PKD2L1: variants seen among roughly 807,000 people sequenced by gnomAD.
PKD2L1 encodes polycystin-2-like protein 1.
Under a neutral mutation model 93.0 loss-of-function variants are expected in PKD2L1, and 77 were observed. The ratio of observed to expected loss-of-function variants is 0.83; its 90% CI spans 0.69 to 1.00. The LOEUF is 1.00. Among genes scored for constraint, PKD2L1 ranks in the 50% least tolerant of loss-of-function variants. PKD2L1 has a pLI of 0.00. For synonymous variants in PKD2L1, 390 were observed against 388.0 expected (o/e 1.01, Z -0.06); for missense variants, 977 against 990.9 (o/e 0.99, Z 0.19).
intron 5 of PKD2L1, 25 bp from the exon 6 acceptor site, chr10:100,297,233 TC>T: frequency 6.2e-7 from 1 of 1,604,678 alleles, no homozygotes; most frequent in Non-Finnish European, 8.5e-7. Context: ...GGAGATGACC[TC>T]CAGTGGAGCC....
Position 100,298,806 on chromosome 10 carries a change from C to A in PKD2L1, c.487G>T (p.Gly163Cys). ...SMADFWDFAQGPLLDSLYWTK... is the reference protein window; with the variant it reads ...SMADFWDFAQCPLLDSLYWTK... ...CAATACAAACTGTCCAGTAGTGGGC[C>A]CTGGGCAAACTGAACCACAAGCTGG... Residue 163 changes from glycine (G) to cysteine (C), a missense_variant, in exon 4 of 16, where the codon GGC becomes TGC. Gly to Cys is a radical substitution (Grantham distance 159). Transcript: ENST00000318222. 3 of 1,610,930 alleles carry A rather than the reference C, an allele frequency of 1.9e-6. No individual in the cohort carries two copies. The highest frequency in any genetic ancestry group is 2.5e-6 in the Non-Finnish European group (3 of 1,178,446).
intron 2 of PKD2L1, among the ~76,000 whole-genome samples, chr10:100,315,211 T>A (rs557301062): frequency 5.9e-5 from 9 of 152,098 alleles, no homozygotes; most frequent in Admixed American, 2.6e-4. Context: ...TACTTTAAGT[T>A]CTGGGGTACA....
intron 7 of PKD2L1, among the ~76,000 whole-genome samples, chr10:100,295,700 T>C (rs1589662511): frequency 8.7e-6 from 1 of 114,420 alleles, no homozygotes; most frequent in Admixed American, 1.2e-4. Context: ...GCCATTGTAC[T>C]CCAGCCAGAC....
chr10:100,326,517 C>T (rs1005285953), intron 2 of PKD2L1, among the ~76,000 whole-genome samples: 15 of 152,176 alleles, frequency 9.9e-5, no homozygotes, highest in Non-Finnish European at 1.9e-4. Context: ...CTCACAGATC[C>T]CCCAAATCTG....
At chr10:100,305,455 T>C (rs1312305873) in intron 2 of PKD2L1, among the ~76,000 whole-genome samples, 1 of 152,178 alleles carries the variant, frequency 6.6e-6, no homozygotes, top group Admixed American at 6.5e-5. Flanking sequence ...CATTAATCCA[T>C]GTTTGACCCA....
rs372230495 is a variant in PKD2L1 at position 100,294,509 on chromosome 10, T to A, written c.1659+26A>T. The stretch of plus-strand genomic sequence containing the variant: ...AACTCCACCCTGCAGGCTCTCTATG[T>A]CCCCACCCCTCAGAGAGACCCTCAC... On this transcript the variant is annotated intron_variant, in intron 9 of 15. Transcript: ENST00000318222. The A allele has an allele frequency of 3.1e-6, 5 of 1,613,588 alleles. No individual in the cohort carries two copies. The East Asian group carries it at 6.7e-5, about 22-fold the overall frequency.
At chr10:100,309,160 G>A (rs993784490) in intron 2 of PKD2L1, among the ~76,000 whole-genome samples, 3 of 152,106 alleles carry the variant, frequency 2.0e-5, no homozygotes, top group African/African-American at 4.8e-5. Context: ...AGATCACTGA[G>A]TCACTTAATG....
At chr10:100,296,467 C>T (rs891579571) in intron 6 of PKD2L1, among the ~76,000 whole-genome samples, 175 bp from the exon 7 acceptor site, 1 of 152,118 alleles carries the variant, frequency 6.6e-6, no homozygotes, top group African/African-American at 2.4e-5. Flanking sequence ...GACTGGGGAG[C>T]ATCTTAAGTG....
chr10:100,295,326 G>A (rs1417435842), intron 7 of PKD2L1, among the ~76,000 whole-genome samples: 1 of 151,654 alleles, frequency 6.6e-6, no homozygotes, highest in Non-Finnish European at 1.5e-5. Context: ...GGAGGCTGAG[G>A]CAGAGAATCA....
In PKD2L1 at chr10:100,299,674, C is replaced by T; in HGVS notation, c.394G>A (p.Val132Met). 2 of 1,613,350 alleles carry T rather than the reference C, an allele frequency of 1.2e-6. No homozygotes were observed. Among genetic ancestry groups the T allele is most frequent in the Non-Finnish European group, 1.7e-6 (2 of 1,179,268 alleles). ...TSSSAYYYTKVMSELFLHTPS... is the reference protein window; with the variant it reads ...TSSSAYYYTKMMSELFLHTPS... ...GTATGTAAGAAGAGCTCAGACATCA[C>T]TTTGGTGTAGTAATAAGCACTGGAG... The change falls in exon 3 of 16, where the codon GTG becomes ATG. Residue 132 changes from valine (V) to methionine (M), a missense_variant. Transcript: ENST00000318222.
At chr10:100,310,007 G>A (rs937393343) in intron 2 of PKD2L1, among the ~76,000 whole-genome samples, 2 of 152,100 alleles carry the variant, frequency 1.3e-5, no homozygotes, top group African/African-American at 2.4e-5. Context: ...TTCCAAAAAG[G>A]TTGCACCATT....
intron 10 of PKD2L1, 89 bp downstream of exon 10, chr10:100,293,192 A>T: frequency 1.3e-6 from 2 of 1,542,072 alleles, no homozygotes; most frequent in Non-Finnish European, 1.8e-6. Flanking sequence ...GGGCACAGGC[A>T]CCTCAATCAG....
At chr10:100,295,999 T>A (rs1440525662) in intron 7 of PKD2L1, 123 bp downstream of exon 7, 2 of 825,874 alleles carry the variant, frequency 2.4e-6, no homozygotes, top group African/African-American at 3.7e-5. Flanking sequence ...TCGCCCCCAC[T>A]TCACTCCAGC....
intron 4 of PKD2L1, among the ~76,000 whole-genome samples, chr10:100,298,290 A>G (rs1176756964): frequency 6.6e-6 from 1 of 152,212 alleles, no homozygotes; most frequent in Non-Finnish European, 1.5e-5. Flanking sequence ...TGGAAGGACT[A>G]CGTGCAAGGT....
chr10:100,290,344 G>T, intron 13 of PKD2L1, 57 bp downstream of exon 13: 1 of 1,314,280 alleles, frequency 7.6e-7, no homozygotes. Context: ...GTACAAGACA[G>T]GGTATCGTAA....
chr10:100,290,343 A>C, intron 13 of PKD2L1, 58 bp downstream of exon 13: 2 of 1,308,816 alleles, frequency 1.5e-6, no homozygotes, highest in South Asian at 2.4e-5. Context: ...AGTACAAGAC[A>C]GGGTATCGTA....
At chr10:100,301,883 G>A (rs1407006124) in intron 2 of PKD2L1, among the ~76,000 whole-genome samples, 1 of 152,188 alleles carries the variant, frequency 6.6e-6, no homozygotes, top group Admixed American at 6.5e-5. Flanking sequence ...GCTTCAGCAG[G>A]TCCCTCCATT....
chr10:100,329,464 G>A, intron 1 of PKD2L1, 140 bp from the exon 2 acceptor site: 2 of 1,175,752 alleles, frequency 1.7e-6, no homozygotes, highest in Non-Finnish European at 2.4e-6. Flanking sequence ...GCTGAATCTG[G>A]CTACTGTACC....
At chr10:100,311,911 G>T (rs1848943381) in intron 2 of PKD2L1, among the ~76,000 whole-genome samples, 1 of 152,128 alleles carries the variant, frequency 6.6e-6, no homozygotes, top group Non-Finnish European at 1.5e-5. Flanking sequence ...AACCTGGATA[G>T]CTCTGAAGAG....
Sources: allele counts gnomAD v4.1 joint callset (sites outside exome capture counted in the v4.1 genomes callset), GRCh38; gene constraint gnomAD v4.1.1; transcripts MANE v1.5; gene names NCBI Gene and HGNC (gene_info 2026-07-23, HGNC 2026-07-21).